RAB1A: variants seen among roughly 807,000 people sequenced by gnomAD.
The protein encoded by RAB1A is RAB1A, member RAS oncogene family, also known as ras-related protein Rab-1A.
A neutral mutation model predicts 26.0 loss-of-function variants in RAB1A; 2 were observed. That is an observed-to-expected ratio of 0.08 (90% confidence interval 0.03 to 0.24). RAB1A has a LOEUF of 0.24. Ranked by LOEUF, RAB1A falls within the 10% of genes least tolerant of loss-of-function variation. The pLI is 1.00. For missense variants in RAB1A, 100 were observed against 247.0 expected (o/e 0.40, Z 3.99); for synonymous variants, 84 against 84.9 (o/e 0.99, Z 0.06).
At chr2:65,108,727 A>G (rs965382794) in intron 1 of RAB1A, among the ~76,000 whole-genome samples, 1 of 152,106 alleles carries the variant, frequency 6.6e-6, no homozygotes, top group African/African-American at 2.4e-5. Flanking sequence ...AATCACTTGA[A>G]CCCGAGAGGC....
intron 3 of RAB1A, among the ~76,000 whole-genome samples, chr2:65,095,452 C>T (rs1028554686): frequency 2.6e-5 from 4 of 151,672 alleles, no homozygotes; most frequent in South Asian, 2.1e-4. Context: ...TGGGCTCAAA[C>T]ATTCCTCCCA....
intron 4 of RAB1A, among the ~76,000 whole-genome samples, chr2:65,089,376 CT>C (rs914960471): frequency 4.9e-4 from 71 of 145,854 alleles, no homozygotes; most frequent in African/African-American, 5.1e-4. Flanking sequence ...CCACACCTGT[CT>C]TTTTTTTTTT....
intron 2 of RAB1A, among the ~76,000 whole-genome samples, chr2:65,102,124 CTTG>C (rs1312795784): frequency 6.6e-6 from 1 of 152,036 alleles, no homozygotes; most frequent in Admixed American, 6.6e-5. Context: ...ATATTCTTTT[CTTG>C]TTGATGTGCA....
In RAB1A at chr2:65,118,516, C is replaced by T. The variant is rs1316962930; in HGVS notation, c.23+11377G>A. 5.9e-5 allele frequency among the ~76,000 whole-genome samples: 9 copies of T among 152,256 alleles called. No homozygotes were observed. The South Asian group carries it at 6.2e-4, about 11-fold the overall frequency. On this transcript the variant is annotated intron_variant, in intron 1 of 5. Transcript: ENST00000409784. The stretch of plus-strand genomic sequence containing the variant: ...TTTTTGAGACAGAGTTTTGCTCTGT[C>T]GCGCAGGCTGAAGTGCAGTAGCACA...
intron 3 of RAB1A, among the ~76,000 whole-genome samples, chr2:65,093,700 G>A (rs193215354): frequency 6.7e-6 from 1 of 149,286 alleles, no homozygotes; most frequent in East Asian, 2.0e-4. Context: ...TTGGCTCACT[G>A]CAATCTCCGC....
At chr2:65,125,865 T>C (rs1291955434) in intron 1 of RAB1A, among the ~76,000 whole-genome samples, 3 of 46,662 alleles carry the variant, frequency 6.4e-5, no homozygotes, top group South Asian at 9.3e-4. Context: ...TTCAATTGCC[T>C]TTTTTTTTTT....
intron 1 of RAB1A, among the ~76,000 whole-genome samples, chr2:65,121,332 G>A (rs563649851): frequency 2.0e-5 from 3 of 151,502 alleles, no homozygotes; most frequent in African/African-American, 7.3e-5. Context: ...CCAAAAGAAT[G>A]GTCCCTCTTG....
intron 1 of RAB1A, among the ~76,000 whole-genome samples, chr2:65,109,018 C>CT (rs1268803094): frequency 6.6e-6 from 1 of 152,184 alleles, no homozygotes; most frequent in Non-Finnish European, 1.5e-5. Context: ...CCCACCTCCC[C>CT]TTATCAAAGA....
chr2:65,118,961 T>C (rs1383228769), intron 1 of RAB1A, among the ~76,000 whole-genome samples: 1 of 143,404 alleles, frequency 7.0e-6, no homozygotes, highest in Non-Finnish European at 1.5e-5. Flanking sequence ...GGTCAAAGAG[T>C]GAGGATTGCT....
chr2:65,096,702 T>C (rs1006297688), intron 3 of RAB1A, among the ~76,000 whole-genome samples: 1 of 152,248 alleles, frequency 6.6e-6, no homozygotes, highest in Admixed American at 6.5e-5. Context: ...CAAGTCCTAA[T>C]TTGACACATC....
chr2:65,119,145 C>A (rs938011001), intron 1 of RAB1A, among the ~76,000 whole-genome samples: 1 of 152,066 alleles, frequency 6.6e-6, no homozygotes, highest in Non-Finnish European at 1.5e-5. Flanking sequence ...GTCCAGGCTG[C>A]AGTAAGCCAT....
rs193275965 is a variant in RAB1A at position 65,091,554 on chromosome 2, G to A, written c.193-476C>T. ...TCTTTTTTTTCCCCTCTCAAGCAGCGTCTCATTCTGTCATCCAGGCTGAGT... is the reference window on the plus strand; with the variant it reads ...TCTTTTTTTTCCCCTCTCAAGCAGCATCTCATTCTGTCATCCAGGCTGAGT... On this transcript the variant is annotated intron_variant, in intron 3 of 5. Transcript: ENST00000409784. Among the ~76,000 whole-genome samples the A allele has an allele frequency of 1.7e-3, 264 of 152,138 alleles. 2 individuals carry two copies. The highest frequency in any genetic ancestry group is 1.9e-3 in the Non-Finnish European group (132 of 68,014).
intron 1 of RAB1A, among the ~76,000 whole-genome samples, chr2:65,112,361 G>C (rs907614280): frequency 5.3e-5 from 8 of 151,866 alleles, no homozygotes; most frequent in Admixed American, 3.9e-4. Flanking sequence ...TGGCCTGGCT[G>C]GTCTCAAACT....
At chr2:65,100,400 CAAAAAAAA>C (rs34166798) in intron 2 of RAB1A, among the ~76,000 whole-genome samples, 6 of 57,976 alleles carry the variant, frequency 1.0e-4, no homozygotes, top group Non-Finnish European at 1.9e-4. Flanking sequence ...GTCTCTGTCT[CAAAAAAAA>C]AAAAAAAAAA....
chr2:65,121,188 T>C (rs1313918116), intron 1 of RAB1A, among the ~76,000 whole-genome samples: 1 of 143,746 alleles, frequency 7.0e-6, no homozygotes, highest in East Asian at 2.1e-4. Context: ...GAGCCATGAC[T>C]GTGCTACCAC....
intron 1 of RAB1A, among the ~76,000 whole-genome samples, chr2:65,128,823 T>C (rs1670165263): frequency 1.3e-5 from 2 of 152,168 alleles, no homozygotes; most frequent in Non-Finnish European, 2.9e-5. Flanking sequence ...TTACTTTACA[T>C]GCATGTAAAC....
intron 2 of RAB1A, among the ~76,000 whole-genome samples, chr2:65,100,924 T>C (rs1020545331): frequency 6.6e-6 from 1 of 152,002 alleles, no homozygotes; most frequent in Non-Finnish European, 1.5e-5. Context: ...GGTGCACATA[T>C]CACTTGAGCT....
In RAB1A at chr2:65,130,049, C is replaced by G. The variant is rs906865212; in HGVS notation, c.-134G>C. ...GGAGAGCAAACGTCTTCCCCTACTCCGTCCCCTAGAACACAATCAGCAGCC... is the reference window on the plus strand; with the variant it reads ...GGAGAGCAAACGTCTTCCCCTACTCGGTCCCCTAGAACACAATCAGCAGCC... On this transcript the variant is annotated 5_prime_UTR_variant, in exon 1 of 6. Transcript: ENST00000409784. 1.3e-5 allele frequency: 13 copies of G among 1,002,992 alleles called. No homozygotes were observed. The highest frequency in any genetic ancestry group is 1.8e-5 in the Non-Finnish European group (12 of 657,672). 62.1% of individuals were successfully genotyped at this position (1,002,992 alleles called of 1,614,324 possible).
At chr2:65,111,959 TG>T (rs1418922333) in intron 1 of RAB1A, among the ~76,000 whole-genome samples, 1 of 151,586 alleles carries the variant, frequency 6.6e-6, no homozygotes, top group African/African-American at 2.4e-5. Flanking sequence ...GGCACGCACC[TG>T]TAGTCTCAGC....
Sources: allele counts gnomAD v4.1 joint callset (sites outside exome capture counted in the v4.1 genomes callset), GRCh38; gene constraint gnomAD v4.1.1; transcripts MANE v1.5; gene names NCBI Gene and HGNC (gene_info 2026-07-23, HGNC 2026-07-21).